Variants in SLC51A observed in about 807,000 individuals in gnomAD.
The protein encoded by SLC51A is solute carrier family 51 member A.
SLC51A carries 22 observed loss-of-function variants against 34.8 expected under a neutral mutation model. The ratio of observed to expected loss-of-function variants is 0.63; its 90% CI spans 0.45 to 0.90. SLC51A has a LOEUF of 0.90. Ranked by LOEUF, SLC51A falls within the 40% of genes least tolerant of loss-of-function variation. The pLI is 0.00. For synonymous variants in SLC51A, 181 were observed against 176.3 expected (o/e 1.03, Z -0.21); for missense variants, 371 against 414.8 (o/e 0.89, Z 0.92).
rs754961279 is a variant in SLC51A at position 196,228,893 on chromosome 3, C to A, written c.606C>A (p.Val202=). Residue 202 remains valine (V), a synonymous_variant, in exon 6 of 9, where the codon GTC becomes GTA. Transcript: ENST00000296327. The surrounding 1 kb of genome is among the most constrained non-coding windows in gnomAD (Gnocchi z 4.9). ...TGACCCTGGTGGGCCTGTTTCTCGTCCCCGACGGCATCTATGACCCAGCAG... is the reference window on the plus strand; with the variant it reads ...TGACCCTGGTGGGCCTGTTTCTCGTACCCGACGGCATCTATGACCCAGCAG... The part of the protein sequence containing the change: ...ITLTLVGLFL[V]PDGIYDPADI... The A allele has an allele frequency of 2.5e-6, 4 of 1,613,956 alleles. No individual in the cohort carries two copies. The Admixed American group carries it at 6.7e-5, about 27-fold the overall frequency.
rs192980205 is a variant in SLC51A at position 196,219,098 on chromosome 3, C to T, written c.133+1162C>T. On this transcript the variant is annotated intron_variant, in intron 2 of 8. Transcript: ENST00000296327. ...AAAATTAGCCAGGCGTGGTGGCGGG[C>T]ACCTGTAATCCCAGCTACTCGGGAG... Among the ~76,000 whole-genome samples, 769 of 152,172 alleles carry T rather than the reference C, an allele frequency of 5.1e-3. 6 individuals carry two copies. Among genetic ancestry groups the T allele is most frequent in the African/African-American group, 0.018 (739 of 41,510 alleles).
intron 2 of SLC51A, 142 bp from the exon 3 acceptor site, chr3:196,226,823 G>C (rs1217909128): frequency 2.0e-6 from 1 of 495,822 alleles, no homozygotes; most frequent in Non-Finnish European, 3.4e-6. Context: ...TTCTTAGGTT[G>C]AATACTCTAG....
At chr3:196,229,574 T>C (rs1560155030) in intron 6 of SLC51A, among the ~76,000 whole-genome samples, 1 of 151,174 alleles carries the variant, frequency 6.6e-6, no homozygotes, top group Non-Finnish European at 1.5e-5. Context: ...ATGGGGTTTC[T>C]CCATGTTGGT....
intron 8 of SLC51A, 97 bp from the exon 9 acceptor site, chr3:196,232,966 G>A (rs61608982): frequency 0.31 from 385,943 of 1,230,356 alleles, 66,380 homozygotes; most frequent in East Asian, 0.77. Context: ...GGGATAAACT[G>A]GAGAAAGTGT....
rs200400554 is a variant in SLC51A at position 196,228,155 on chromosome 3, G to T, written c.403G>T (p.Val135Leu). The change falls in exon 5 of 9, where the codon GTG becomes TTG. Residue 135 changes from valine (V) to leucine (L), a missense_variant. Val to Leu is a conservative substitution (Grantham distance 32). Transcript: ENST00000296327. This position sits in a 1 kb window ranked among gnomAD's most constrained non-coding sequence, Gnocchi z 4.9. The part of the protein sequence containing the change: ...VCFYLLMLVM[V>L]EGFGGKEAVL... ...CTTTTACCTGCTGATGCTGGTCATG[G>T]TGGAAGGCTTTGGGGGGAAGGAGGC... 1.5e-4 allele frequency: 241 copies of T among 1,614,062 alleles called. No homozygotes were observed. The highest frequency in any genetic ancestry group is 1.4e-5 in the Non-Finnish European group (17 of 1,180,044).
At chr3:196,219,157 C>T (rs921204616) in intron 2 of SLC51A, among the ~76,000 whole-genome samples, 5 of 152,008 alleles carry the variant, frequency 3.3e-5, no homozygotes, top group South Asian at 2.1e-4. Flanking sequence ...ACTCGGGAGG[C>T]GGAGGTTGCA....
Position 196,228,387 on chromosome 3 carries a change from G to T in SLC51A, c.521+114G>T. ...AATAGGCCAAAGCCAGTGACGGAAG[G>T]GTGGGCATCCCACGGCCAGGACCCA... On this transcript the variant is annotated intron_variant, in intron 5 of 8. Coordinates refer to ENST00000296327, the MANE Select transcript of SLC51A (RefSeq NM_152672.6). This position sits in a 1 kb window ranked among gnomAD's most constrained non-coding sequence, Gnocchi z 4.9. 7.3e-7 allele frequency: 1 copy of T among 1,378,644 alleles called. No homozygotes were observed. The highest frequency in any genetic ancestry group is 9.6e-7 in the Non-Finnish European group (1 of 1,041,226). The allele number at this position is 1,378,644 out of a possible 1,614,324, so 85.4% of individuals were successfully genotyped here.
Position 196,227,075 on chromosome 3 carries a change from C to T in SLC51A, c.244C>T (p.Pro82Ser), listed in dbSNP as rs1156524510. The change falls in exon 3 of 9, where the codon CCC becomes TCC. Residue 82 changes from proline to serine, a missense_variant. Transcript: ENST00000296327. ...CTACCTGTACAAGAACACCCTTTGC[C>T]CCATCAAGAGGCGGACTCTGCTCTG... ...AVYLYKNTLC[P>S]IKRRTLLWKS... 1.2e-6 allele frequency: 2 copies of T among 1,614,144 alleles called. No individual in the cohort carries two copies. Among genetic ancestry groups the T allele is most frequent in the Non-Finnish European group, 1.7e-6 (2 of 1,180,036 alleles).
chr3:196,226,133 G>A (rs1043406313), intron 2 of SLC51A, among the ~76,000 whole-genome samples: 1 of 152,084 alleles, frequency 6.6e-6, no homozygotes, highest in Admixed American at 6.5e-5. Context: ...TCTGGGCAAC[G>A]TAGTGAGACC....
Position 196,228,124 on chromosome 3 carries a change from C to G in SLC51A, c.372C>G (p.Ala124=). ...TCTCTCCCCACCCCAGGTTTTATGC[C>G]GTGTGCTTTTACCTGCTGATGCTGG... ...LVEMTITSFY[A]VCFYLLMLVM... is the part of the protein sequence containing the mutation. The change falls in exon 5 of 9, where the codon GCC becomes GCG. Residue 124 remains alanine (A), a synonymous_variant. Transcript: ENST00000296327. The surrounding 1 kb of genome is among the most constrained non-coding windows in gnomAD (Gnocchi z 4.9). 1 of 1,613,572 alleles carries G rather than the reference C, an allele frequency of 6.2e-7. No homozygotes were observed. The highest frequency in any genetic ancestry group is 8.5e-7 in the Non-Finnish European group (1 of 1,179,700).
chr3:196,233,057 C>T lies in SLC51A; in HGVS notation c.887-6C>T. On this transcript the variant is annotated splice_polypyrimidine_tract_variant and splice_region_variant and intron_variant, in intron 8 of 8. Transcript: ENST00000296327. ...AACCTACGCTGTATTTCACCCTACA[C>T]TGCAGTGATGAATTGCCACCTCCTC... 1 of 1,613,980 alleles carries T rather than the reference C, an allele frequency of 6.2e-7. No homozygotes were observed. Among genetic ancestry groups the T allele is most frequent in the East Asian group, 2.2e-5 (1 of 44,876 alleles).
intron 2 of SLC51A, among the ~76,000 whole-genome samples, chr3:196,224,449 C>T (rs1723843553): frequency 6.6e-6 from 1 of 150,538 alleles, no homozygotes; most frequent in African/African-American, 2.4e-5. Flanking sequence ...AATCCCAGCA[C>T]TTTGGGAGGC....
chr3:196,233,031 TA>T (rs759715945), intron 8 of SLC51A, 31 bp from the exon 9 acceptor site: 27 of 1,608,822 alleles, frequency 1.7e-5, no homozygotes, highest in Non-Finnish European at 2.2e-5. Context: ...TAACTCAGCA[TA>T]ACCTACGCTG....
intron 2 of SLC51A, among the ~76,000 whole-genome samples, chr3:196,226,246 C>T (rs570245290): frequency 3.3e-4 from 50 of 152,094 alleles, no homozygotes; most frequent in Admixed American, 6.5e-4. Flanking sequence ...GGTTTGAACC[C>T]GGAAGGTCAA....
intron 2 of SLC51A, among the ~76,000 whole-genome samples, chr3:196,225,216 C>T (rs1318294095): frequency 3.3e-5 from 5 of 151,960 alleles, no homozygotes; most frequent in Non-Finnish European, 7.4e-5. Flanking sequence ...TCAAGTGATC[C>T]GCCCACCTCA....
intron 1 of SLC51A, among the ~76,000 whole-genome samples, chr3:196,217,119 C>T (rs774182210): frequency 9.2e-5 from 14 of 152,240 alleles, no homozygotes; most frequent in Non-Finnish European, 1.6e-4. Flanking sequence ...CTGCCCGACC[C>T]GCATGGAGAG....
chr3:196,220,959 G>A (rs572972072), intron 2 of SLC51A, among the ~76,000 whole-genome samples: 55 of 146,880 alleles, frequency 3.7e-4, no homozygotes, highest in Non-Finnish European at 3.6e-4. Flanking sequence ...GTGCGATCTC[G>A]GCTTACCCCA....
chr3:196,232,527 G>A lies in SLC51A; in HGVS notation c.886+3G>A. On this transcript the variant is annotated splice_donor_region_variant and intron_variant, in intron 8 of 8. Coordinates refer to ENST00000296327, the MANE Select transcript of SLC51A (RefSeq NM_152672.6). The stretch of plus-strand genomic sequence containing the variant: ...TTCCTCTAAAACCAGGTCTCAAGGT[G>A]AGCACGTTAAGCCTCCTGTCCCATC... 6.2e-7 allele frequency: 1 copy of A among 1,611,050 alleles called. No individual in the cohort carries two copies. Among genetic ancestry groups the A allele is most frequent in the South Asian group, 1.1e-5 (1 of 91,008 alleles).
intron 7 of SLC51A, 91 bp downstream of exon 7, chr3:196,230,152 C>A: frequency 1.6e-6 from 2 of 1,245,980 alleles, no homozygotes; most frequent in East Asian, 2.9e-5. Context: ...CTAAAGTGGG[C>A]CGGGAATCTT....
Sources: allele counts gnomAD v4.1 joint callset (sites outside exome capture counted in the v4.1 genomes callset), GRCh38; gene constraint gnomAD v4.1.1; non-coding constraint Gnocchi (gnomAD v3.1); transcripts MANE v1.5; gene names NCBI Gene and HGNC (gene_info 2026-07-23, HGNC 2026-07-21).